Variants in TRIM5 observed in about 807,000 individuals in gnomAD.
TRIM5 encodes tripartite motif-containing protein 5.
In TRIM5, 31 loss-of-function variants were observed where a neutral mutation model predicts 35.6. The ratio of observed to expected loss-of-function variants is 0.87; its 90% CI spans 0.65 to 1.18. TRIM5 has a LOEUF of 1.18. TRIM5 is among the 50% of genes most tolerant of loss of function. The probability of loss-of-function intolerance (pLI) is 0.00; values close to 1 mark genes in which losing one functional copy is unlikely to be tolerated. For missense variants in TRIM5, 609 were observed against 591.6 expected, an observed-to-expected ratio of 1.03 and a Z score of -0.31; for synonymous variants, 243 against 215.6, an observed-to-expected ratio of 1.13 and a Z score of -1.11.
At chr11:5,665,911 C>A (rs180946957) in intron 6 of TRIM5, 70 bp downstream of exon 6, 1 of 1,460,354 alleles carries the variant, frequency 6.8e-7, no homozygotes, top group Admixed American at 2.1e-5. Flanking sequence ...GAAACTGCAC[C>A]CTCTTCCCTA....
At chr11:5,604,289 C>T in the TRIM5 span, among the ~76,000 whole-genome samples, 2 of 152,196 alleles carry the variant, frequency 1.3e-5, no homozygotes, top group African/African-American at 4.8e-5. Context: ...GCTGGGATTA[C>T]AGGCGTGAGC....
At chr11:5,633,928 G>A in the TRIM5 span, 1 of 1,611,290 alleles carries the variant, frequency 6.2e-7, no homozygotes, top group Non-Finnish European at 8.5e-7. Context: ...GGTTTTCTGA[G>A]ACAGGAATCT....
chr11:5,589,264 G>A, the TRIM5 span: 2 of 151,526 alleles, frequency 1.3e-5, no homozygotes, highest in Admixed American at 6.6e-5. Flanking sequence ...ATAAAAAAAT[G>A]CTTACTCATC....
the TRIM5 span, among the ~76,000 whole-genome samples, chr11:5,647,489 G>A: frequency 6.6e-6 from 1 of 152,050 alleles, no homozygotes; most frequent in Non-Finnish European, 1.5e-5. Flanking sequence ...AATTTGGGGT[G>A]CTTGGCAGAC....
At chr11:5,677,771 G>A (rs1456986933) in intron 4 of TRIM5, among the ~76,000 whole-genome samples, 1 of 151,934 alleles carries the variant, frequency 6.6e-6, no homozygotes, top group Admixed American at 6.6e-5. Context: ...AGAAATGATA[G>A]CAGTTATTTA....
chr11:5,626,659 C>G, the TRIM5 span: 1 of 152,100 alleles, frequency 6.6e-6, no homozygotes, highest in South Asian at 2.1e-4. Context: ...GCAGGAAGAT[C>G]ACCAGAGATC....
intron 4 of TRIM5, among the ~76,000 whole-genome samples, chr11:5,674,315 A>C (rs1273438685): frequency 6.6e-6 from 1 of 152,236 alleles, no homozygotes; most frequent in East Asian, 1.9e-4. Flanking sequence ...TCCAAGAACT[A>C]AAACACCTCA....
the TRIM5 span, among the ~76,000 whole-genome samples, chr11:5,617,104 GAAAT>G: frequency 7.3e-6 from 1 of 137,524 alleles, no homozygotes; most frequent in Non-Finnish European, 1.6e-5. Context: ...AATCAACAAA[GAAAT>G]AAAATATTGA....
chr11:5,644,689 G>A, the TRIM5 span, among the ~76,000 whole-genome samples: 13 of 152,136 alleles, frequency 8.5e-5, no homozygotes, highest in African/African-American at 2.7e-4. Context: ...GTTACCGTGT[G>A]TCGGGGGGGT....
chr11:5,647,707 AAG>A, the TRIM5 span, among the ~76,000 whole-genome samples: 1 of 152,064 alleles, frequency 6.6e-6, no homozygotes, highest in Non-Finnish European at 1.5e-5. Flanking sequence ...ATTTTTAGTA[AAG>A]AGGGGATTTC....
At chr11:5,657,707 A>AAT in the TRIM5 span, among the ~76,000 whole-genome samples, 100 of 128,308 alleles carry the variant, frequency 7.8e-4, no homozygotes, top group African/African-American at 1.3e-3. Flanking sequence ...AATATATATA[A>AAT]ATATATATAT....
chr11:5,644,342 A>G, the TRIM5 span: 1 of 398,426 alleles, frequency 2.5e-6, no homozygotes, highest in Admixed American at 4.4e-5. Flanking sequence ...TCTAAATGTA[A>G]TGCATCGATT....
chr11:5,608,464 G>A, the TRIM5 span: 7 of 1,597,780 alleles, frequency 4.4e-6, no homozygotes, highest in Non-Finnish European at 6.0e-6. Flanking sequence ...TGATCAGTGG[G>A]AAAGGGAAGA....
chr11:5,653,192 T>C, the TRIM5 span, among the ~76,000 whole-genome samples: 28 of 152,338 alleles, frequency 1.8e-4, no homozygotes, highest in East Asian at 4.1e-3. Flanking sequence ...ATTCTCATTG[T>C]AGATATCCTT....
the TRIM5 span, chr11:5,633,893 C>T: frequency 6.2e-7 from 1 of 1,613,856 alleles, no homozygotes; most frequent in South Asian, 1.1e-5. Flanking sequence ...AGAAAACTTC[C>T]TGGAAGGCAA....
At chr11:5,677,956 A>G (rs919154505) in intron 4 of TRIM5, 4 of 359,198 alleles carry the variant, frequency 1.1e-5, no homozygotes, top group Non-Finnish European at 2.0e-5. Context: ...GAACCTATCA[A>G]ACATGACTAG....
In TRIM5 at chr11:5,679,891, G is replaced by A. The variant is rs1433983828; in HGVS notation, c.287C>T (p.Ala96Val). ...SPEGQKVDHCARHGEKLLLFC... is the reference protein window; with the variant it reads ...SPEGQKVDHCVRHGEKLLLFC... ...GAGTAGAAGTTTCTCTCCATGGCGT[G>A]CACAATGATCAACTTTCTGCCCCTC... is the stretch of plus-strand genomic sequence containing the variant. The change falls in exon 2 of 8, where the codon GCA becomes GTA. Residue 96 changes from alanine (A) to valine (V), a missense_variant. Physicochemically the swap from Ala to Val is moderately conservative, Grantham distance 64 (BLOSUM62 0). Coordinates refer to ENST00000380034, the MANE Select transcript of TRIM5 (RefSeq NM_033034.3). 6.2e-7 allele frequency: 1 copy of A among 1,613,890 alleles called. No individual in the cohort carries two copies. Among genetic ancestry groups the A allele is most frequent in the Non-Finnish European group, 8.5e-7 (1 of 1,179,988 alleles).
the TRIM5 span, among the ~76,000 whole-genome samples, chr11:5,618,550 T>C: frequency 6.6e-6 from 1 of 152,216 alleles, no homozygotes; most frequent in East Asian, 1.9e-4. Flanking sequence ...AAGCTTATGT[T>C]GAAAAACAAA....
the TRIM5 span, among the ~76,000 whole-genome samples, chr11:5,615,541 G>C: frequency 6.6e-6 from 1 of 151,094 alleles, no homozygotes; most frequent in Non-Finnish European, 1.5e-5. Context: ...TACTTTGTTA[G>C]GTATTAATTT....
Sources: allele counts gnomAD v4.1 joint callset (sites outside exome capture counted in the v4.1 genomes callset), GRCh38; gene constraint gnomAD v4.1.1; transcripts MANE v1.5; gene names NCBI Gene and HGNC (gene_info 2026-07-23, HGNC 2026-07-21).